Variants in KAZN observed in about 807,000 individuals in gnomAD.
The protein encoded by KAZN is kazrin, periplakin interacting protein.
A neutral mutation model predicts 87.4 loss-of-function variants in KAZN; 40 were observed. That is an observed-to-expected ratio of 0.46 (90% confidence interval 0.36 to 0.60). The LOEUF is 0.60. Ranked by LOEUF, KAZN falls within the 20% of genes least tolerant of loss-of-function variation. The probability of loss-of-function intolerance (pLI) is 0.00; values close to 1 mark genes in which losing one functional copy is unlikely to be tolerated. For missense variants in KAZN, 898 were observed against 1,073.9 expected (o/e 0.84, Z 2.29); for synonymous variants, 466 against 458.3 (o/e 1.02, Z -0.22).
chr1:13,960,259 C>T (rs1219229828), intron 1 of KAZN, among the ~76,000 whole-genome samples: 1 of 152,192 alleles, frequency 6.6e-6, no homozygotes, highest in Non-Finnish European at 1.5e-5. Context: ...ACAAGGACGG[C>T]ACTATCATTA....
At chr1:14,165,789 AGCTT>A (rs1451109904) in intron 1 of KAZN, among the ~76,000 whole-genome samples, 1 of 152,196 alleles carries the variant, frequency 6.6e-6, no homozygotes, top group Non-Finnish European at 1.5e-5. Context: ...GTGTTCAAAT[AGCTT>A]CATGTCTTAG....
intron 2 of KAZN, among the ~76,000 whole-genome samples, chr1:14,429,212 G>T (rs1665908953): frequency 6.6e-6 from 1 of 152,148 alleles, no homozygotes; most frequent in Non-Finnish European, 1.5e-5. Context: ...AAGAATAGCA[G>T]GGTGAAATCC....
At chr1:14,365,983 G>A (rs1222967566) in intron 2 of KAZN, among the ~76,000 whole-genome samples, 1 of 152,166 alleles carries the variant, frequency 6.6e-6, no homozygotes, top group East Asian at 1.9e-4. Flanking sequence ...AGTTATTATT[G>A]TTAGTTCATA....
Position 14,631,574 on chromosome 1 carries a change from T to C in KAZN, c.226+32351T>C, listed in dbSNP as rs571731626. On this transcript the variant is annotated intron_variant, in intron 1 of 14. Transcript: ENST00000376030. ...CTCACCCCAGGGCCTGCTGCTACCT[T>C]GGGAGGATCACATTCAGGTGTCCAG... Among the ~76,000 whole-genome samples the C allele has an allele frequency of 1.6e-4, 24 of 152,298 alleles. 1 individual carries two copies. The East Asian group carries it at 4.6e-3, about 29-fold the overall frequency.
At chr1:14,719,761 C>A (rs1642996794) in intron 1 of KAZN, among the ~76,000 whole-genome samples, 1 of 152,128 alleles carries the variant, frequency 6.6e-6, no homozygotes, top group Non-Finnish European at 1.5e-5. Flanking sequence ...ATCACTTGAA[C>A]CCAGGAGGTG....
chr1:14,969,827 G>A (rs368236480), intron 2 of KAZN, among the ~76,000 whole-genome samples: 25 of 151,950 alleles, frequency 1.6e-4, no homozygotes, highest in African/African-American at 4.8e-4. Context: ...ATTATTTTTC[G>A]TGGGGGGACA....
chr1:14,259,603 C>T (rs1003021898), intron 2 of KAZN, among the ~76,000 whole-genome samples: 5 of 152,158 alleles, frequency 3.3e-5, no homozygotes, highest in East Asian at 3.9e-4. Flanking sequence ...GAGGCACATT[C>T]GTTGTGTTAG....
At position 14,002,467 on chromosome 1, in the gene KAZN, C is replaced by T. The variant is rs145361927; in HGVS notation, c.91+108711C>T. Reference sequence around the variant, plus strand: ...GGCTTTTGCTTCTTCCTCATTTTCTCTTGCTGCCACCACGTAAGAAGTGCC... The same window carrying T: ...GGCTTTTGCTTCTTCCTCATTTTCTTTTGCTGCCACCACGTAAGAAGTGCC... On this transcript the variant is annotated intron_variant, in intron 1 of 16. Transcript: ENST00000636203. Among the ~76,000 whole-genome samples, 370 of 152,332 alleles carry T rather than the reference C, an allele frequency of 2.4e-3. 1 individual carries two copies. Among genetic ancestry groups the T allele is most frequent in the African/African-American group, 8.6e-3 (359 of 41,580 alleles).
At chr1:14,180,510 A>T (rs900627330) in exon 2 of KAZN, 9 of 1,550,308 alleles carry the variant, frequency 5.8e-6, no homozygotes, top group Non-Finnish European at 7.8e-6. Context: ...CTGGAGGAGG[A>T]CAAAGACCCT....
chr1:14,131,306 A>G (rs1644987701), intron 1 of KAZN, among the ~76,000 whole-genome samples: 1 of 152,176 alleles, frequency 6.6e-6, no homozygotes, highest in Non-Finnish European at 1.5e-5. Context: ...GCCAAACCAT[A>G]TTACAGTGTG....
At chr1:14,177,494 C>A (rs951679922) in intron 1 of KAZN, among the ~76,000 whole-genome samples, 4 of 152,136 alleles carry the variant, frequency 2.6e-5, no homozygotes, top group Non-Finnish European at 4.4e-5. Flanking sequence ...AAAAAAGTCA[C>A]CTTCATTTTT....
intron 2 of KAZN, among the ~76,000 whole-genome samples, chr1:14,544,562 T>C (rs893280442): frequency 3.3e-5 from 5 of 151,870 alleles, no homozygotes; most frequent in Admixed American, 1.3e-4. Context: ...GAGACTCTTT[T>C]AGGATCAGTT....
intron 1 of KAZN, among the ~76,000 whole-genome samples, chr1:13,978,976 G>C (rs548207072): frequency 2.0e-5 from 3 of 151,782 alleles, no homozygotes; most frequent in African/African-American, 7.3e-5. Flanking sequence ...CATGCCTGTG[G>C]TCCCAACTAC....
intron 2 of KAZN, among the ~76,000 whole-genome samples, chr1:14,563,905 T>G (rs1674400210): frequency 7.4e-6 from 1 of 135,440 alleles, no homozygotes; most frequent in Non-Finnish European, 1.6e-5. Context: ...GACAGAGTCT[T>G]GCTCAGCCAC....
At chr1:15,085,240 TTC>T (rs1483913172) in intron 8 of KAZN, among the ~76,000 whole-genome samples, 2 of 152,134 alleles carry the variant, frequency 1.3e-5, no homozygotes, top group Non-Finnish European at 2.9e-5. Flanking sequence ...AGCCCACATG[TTC>T]TTAGATTTAT....
chr1:14,883,138 A>G (rs961702476), intron 1 of KAZN, among the ~76,000 whole-genome samples: 2 of 151,698 alleles, frequency 1.3e-5, no homozygotes, highest in Non-Finnish European at 2.9e-5. Flanking sequence ...TCTACTAAAA[A>G]TACAAAATTA....
intron 1 of KAZN, among the ~76,000 whole-genome samples, chr1:14,122,713 G>T (rs554619836): frequency 4.6e-5 from 7 of 152,082 alleles, no homozygotes; most frequent in Non-Finnish European, 8.8e-5. Flanking sequence ...TTGCTTTTAG[G>T]CTGTGAGCAT....
intron 1 of KAZN, among the ~76,000 whole-genome samples, chr1:14,913,844 G>A (rs544353060): frequency 1.2e-3 from 178 of 152,364 alleles, no homozygotes; most frequent in Non-Finnish European, 2.1e-3. Flanking sequence ...GAAAGCAGCC[G>A]CAGGCGTGTG....
chr1:14,098,531 C>G (rs544622532), intron 1 of KAZN, among the ~76,000 whole-genome samples: 1 of 152,124 alleles, frequency 6.6e-6, no homozygotes, highest in African/African-American at 2.4e-5. Flanking sequence ...CTGTGGGCAA[C>G]CAGGGTGTTT....
Sources: allele counts gnomAD v4.1 joint callset (sites outside exome capture counted in the v4.1 genomes callset), GRCh38; gene constraint gnomAD v4.1.1; transcripts MANE v1.5; gene names NCBI Gene and HGNC (gene_info 2026-07-23, HGNC 2026-07-21).